The following CADPS2 variants were observed in gnomAD, a reference collection of about 807,000 sequenced individuals.
CADPS2 encodes calcium-dependent secretion activator 2.
CADPS2 carries 93 observed loss-of-function variants against 172.5 expected under a neutral mutation model. The ratio of observed to expected loss-of-function variants is 0.54; its 90% CI spans 0.46 to 0.64. CADPS2 has a LOEUF of 0.64. Ranked by LOEUF, CADPS2 falls within the 30% of genes least tolerant of loss-of-function variation. The probability of loss-of-function intolerance (pLI) is 0.00; values close to 1 mark genes in which losing one functional copy is unlikely to be tolerated. For missense variants in CADPS2, 1,420 were observed against 1,565.9 expected (o/e 0.91, Z 1.57); for synonymous variants, 546 against 555.2 (o/e 0.98, Z 0.23).
At chr7:122,702,789 A>G (rs2086375781) in intron 2 of CADPS2, 1 of 1,423,000 alleles carries the variant, frequency 7.0e-7, no homozygotes, top group Non-Finnish European at 9.5e-7. Context: ...ATGAGAAAAC[A>G]AAACAACATC....
At chr7:122,337,766 A>T (rs1356156688) in intron 28 of CADPS2, among the ~76,000 whole-genome samples, 1 of 151,848 alleles carries the variant, frequency 6.6e-6, no homozygotes, top group Non-Finnish European at 1.5e-5. Context: ...AGGAAAAAAA[A>T]AAAAAAAAGC....
At chr7:122,821,697 AG>A (rs753746586) in intron 1 of CADPS2, among the ~76,000 whole-genome samples, 10 of 152,152 alleles carry the variant, frequency 6.6e-5, no homozygotes, top group Non-Finnish European at 1.0e-4. Context: ...GCAGTTTTTC[AG>A]GCTCTTAGTA....
chr7:122,363,507 A>T (rs1780440580), intron 25 of CADPS2, among the ~76,000 whole-genome samples: 1 of 150,446 alleles, frequency 6.6e-6, no homozygotes, highest in Admixed American at 6.6e-5. Context: ...TTGCTGAGGG[A>T]CAAAGCAAGA....
intron 4 of CADPS2, 150 bp downstream of exon 4, chr7:122,629,098 A>G (rs1359563192): frequency 6.1e-6 from 3 of 493,712 alleles, no homozygotes; most frequent in African/African-American, 2.0e-5. Flanking sequence ...GCTTTCAGAT[A>G]TTTGGGATTA....
chr7:122,822,796 G>T (rs1803736419), intron 1 of CADPS2, among the ~76,000 whole-genome samples: 3 of 150,114 alleles, frequency 2.0e-5, no homozygotes, highest in Admixed American at 2.0e-4. Flanking sequence ...TGAACACCTT[G>T]CGACCCCCAC....
intron 9 of CADPS2, among the ~76,000 whole-genome samples, chr7:122,499,781 C>T (rs2059045398): frequency 6.6e-6 from 1 of 152,018 alleles, no homozygotes; most frequent in Non-Finnish European, 1.5e-5. Context: ...ACCAGGGGAC[C>T]TCTACAAAGT....
rs1031234952 is a variant in CADPS2, at chr7:122,551,254, G to A, written c.1475+3296C>T. On this transcript the variant is annotated intron_variant, in intron 8 of 29. Coordinates refer to ENST00000449022, the MANE Select transcript of CADPS2 (RefSeq NM_017954.11). ...ATAAACTGTGTTTAGAATCTTTTAAGGTTCCATTTGTGAATAAAGCTTACT... is the reference window on the plus strand; with the variant it reads ...ATAAACTGTGTTTAGAATCTTTTAAAGTTCCATTTGTGAATAAAGCTTACT... Among the ~76,000 whole-genome samples the A allele has an allele frequency of 4.6e-5, 7 of 152,008 alleles. No homozygotes were observed. In the South Asian group the frequency reaches 6.2e-4, roughly 14 times the overall value.
At chr7:122,598,347 A>T (rs1471628851) in intron 6 of CADPS2, among the ~76,000 whole-genome samples, 1 of 152,070 alleles carries the variant, frequency 6.6e-6, no homozygotes, top group Admixed American at 6.6e-5. Flanking sequence ...AAACGTTCAA[A>T]TTCTAGCTTA....
intron 8 of CADPS2, among the ~76,000 whole-genome samples, chr7:122,549,678 C>T (rs996640319): frequency 6.6e-6 from 1 of 151,570 alleles, no homozygotes; most frequent in Non-Finnish European, 1.5e-5. Context: ...TCAAGGGACT[C>T]AAGTAGGATT....
At chr7:122,529,695 A>G (rs899496008) in intron 8 of CADPS2, among the ~76,000 whole-genome samples, 2 of 152,070 alleles carry the variant, frequency 1.3e-5, no homozygotes, top group Non-Finnish European at 2.9e-5. Context: ...AAAGAAACAT[A>G]AGATTTATTC....
At chr7:122,848,927 A>G (rs1584903794) in intron 1 of CADPS2, among the ~76,000 whole-genome samples, 1 of 152,226 alleles carries the variant, frequency 6.6e-6, no homozygotes, top group African/African-American at 2.4e-5. Context: ...ATGCTCCTGA[A>G]GTATTTTGGA....
intron 2 of CADPS2, among the ~76,000 whole-genome samples, chr7:122,669,055 G>A (rs1414266941): frequency 6.6e-6 from 1 of 152,134 alleles, no homozygotes; most frequent in South Asian, 2.1e-4. Flanking sequence ...TGTTGGCCAG[G>A]AGCAGTAGCT....
intron 20 of CADPS2, among the ~76,000 whole-genome samples, chr7:122,402,626 A>G (rs928930008): frequency 1.3e-5 from 2 of 152,260 alleles, no homozygotes; most frequent in East Asian, 3.8e-4. Flanking sequence ...CTAATTAAGT[A>G]CAAATTCTAA....
chr7:122,397,328 T>C (rs545442756), intron 20 of CADPS2, among the ~76,000 whole-genome samples: 1 of 151,880 alleles, frequency 6.6e-6, no homozygotes, highest in South Asian at 2.1e-4. Flanking sequence ...TTGAAAAAAA[T>C]TATAAACCCA....
At chr7:122,814,865 T>G (rs777696537) in intron 1 of CADPS2, among the ~76,000 whole-genome samples, 8 of 152,166 alleles carry the variant, frequency 5.3e-5, no homozygotes, top group Non-Finnish European at 1.2e-4. Context: ...TCAAATGGAA[T>G]GTACATTGTT....
Position 122,554,540 on chromosome 7 carries a change from T to G in CADPS2, c.1475+10A>C, listed in dbSNP as rs753327840. The stretch of plus-strand genomic sequence containing the variant: ...TAATTCAGGAAAAAAATCCTCAAAT[T>G]TATACTCACCCACTATGCTTCATAT... On this transcript the variant is annotated intron_variant, in intron 8 of 29. Transcript: ENST00000449022. 32 of 1,569,488 alleles carry G rather than the reference T, an allele frequency of 2.0e-5. No homozygotes were observed. The highest frequency in any genetic ancestry group is 2.8e-5 in the African/African-American group (2 of 72,392).
At chr7:122,698,518 C>T (rs776077003) in intron 2 of CADPS2, 3 of 1,613,880 alleles carry the variant, frequency 1.9e-6, no homozygotes, top group African/African-American at 2.7e-5. Context: ...GTTGCCAGTA[C>T]CTGGAACGTT....
At chr7:122,466,966 T>C (rs1170764798) in intron 14 of CADPS2, among the ~76,000 whole-genome samples, 1 of 152,188 alleles carries the variant, frequency 6.6e-6, no homozygotes, top group African/African-American at 2.4e-5. Flanking sequence ...GGCACAATTA[T>C]CTTGCTTCAG....
chr7:122,334,209 C>G (rs907430929), intron 28 of CADPS2, among the ~76,000 whole-genome samples: 2 of 152,142 alleles, frequency 1.3e-5, no homozygotes, highest in African/African-American at 4.8e-5. Context: ...AATACACACA[C>G]ACACACACTC....
Sources: gnomAD v4.1 joint callset for allele counts (sites outside exome capture counted in the v4.1 genomes callset) on GRCh38, gnomAD v4.1.1 for gene constraint, MANE v1.5 for transcripts, NCBI Gene and HGNC (gene_info 2026-07-23, HGNC 2026-07-21) for gene names.